Variants in CNTN1 observed in about 807,000 individuals in gnomAD.
CNTN1 encodes the protein contactin-1.
In CNTN1, 38 loss-of-function variants were observed where a neutral mutation model predicts 126.4. That is an observed-to-expected ratio of 0.30 (90% CI 0.23 to 0.39). CNTN1 has a LOEUF of 0.39. CNTN1 is among the 10% of genes least tolerant of loss of function. The pLI is 1.00. For synonymous variants in CNTN1, 413 were observed against 422.6 expected, an observed-to-expected ratio of 0.98 and a Z score of 0.28; for missense variants, 1,009 against 1,248.4, an observed-to-expected ratio of 0.81 and a Z score of 2.89.
At chr12:41,045,277 A>G (rs1013241383) in intron 23 of CNTN1, among the ~76,000 whole-genome samples, 12 of 152,112 alleles carry the variant, frequency 7.9e-5, no homozygotes, top group African/African-American at 2.7e-4. Flanking sequence ...TGCATCAACC[A>G]TCAGAACAAG....
intron 2 of CNTN1, among the ~76,000 whole-genome samples, chr12:40,908,912 T>C (rs1423242444): frequency 6.6e-6 from 1 of 152,172 alleles, no homozygotes; most frequent in Non-Finnish European, 1.5e-5. Context: ...TAAAATATAG[T>C]AAATAAAAGA....
intron 3 of CNTN1, among the ~76,000 whole-genome samples, chr12:40,917,307 T>A (rs1945281487): frequency 6.6e-6 from 1 of 152,118 alleles, no homozygotes; most frequent in African/African-American, 2.4e-5. Flanking sequence ...TATTCATTGC[T>A]GATTATAAGC....
chr12:41,070,260 T>C lies in CNTN1; in HGVS notation c.*225T>C. 1 of 574,026 alleles carries C rather than the reference T, an allele frequency of 1.7e-6. No homozygotes were observed. Among genetic ancestry groups the C allele is most frequent in the Non-Finnish European group, 3.1e-6 (1 of 320,694 alleles). 35.6% of individuals were successfully genotyped at this position (574,026 alleles called of 1,614,324 possible). On this transcript the variant is annotated 3_prime_UTR_variant, in exon 24 of 24. Coordinates refer to ENST00000551295, the MANE Select transcript of CNTN1 (RefSeq NM_001843.4). ...ATGGATATAAATGATTTTTAACTCG[T>C]TCCAATATGCCTTATAAACCACTTA...
intron 23 of CNTN1, among the ~76,000 whole-genome samples, chr12:41,034,975 A>T (rs1949224494): frequency 6.6e-6 from 1 of 152,196 alleles, no homozygotes. Flanking sequence ...CAGCACAGGG[A>T]GTTTCCAGAG....
rs186304449 is a variant in CNTN1 at position 40,945,643 on chromosome 12, C to T, written c.1683+1473C>T. ...AAATACTAATTACATTGTGCTGGTA[C>T]ATGTAAATAATGACTGCAAAAAGAA... On this transcript the variant is annotated intron_variant, in intron 14 of 23. Coordinates refer to ENST00000551295, the MANE Select transcript of CNTN1 (RefSeq NM_001843.4). 2.1e-5 allele frequency among the ~76,000 whole-genome samples: 3 copies of T among 144,872 alleles called. No homozygotes were observed. In the Admixed American group the frequency reaches 2.1e-4, roughly 10 times the overall value.
At chr12:40,744,136 A>C (rs1194985030) in intron 1 of CNTN1, among the ~76,000 whole-genome samples, 5 of 151,998 alleles carry the variant, frequency 3.3e-5, no homozygotes, top group Admixed American at 3.3e-4. Flanking sequence ...GCCTGTCAGT[A>C]GCAGGGGTAG....
At chr12:40,900,493 C>A (rs1331281725) in intron 1 of CNTN1, among the ~76,000 whole-genome samples, 6 of 152,018 alleles carry the variant, frequency 3.9e-5, no homozygotes, top group Non-Finnish European at 5.9e-5. Flanking sequence ...GCAGAAAAGC[C>A]CTGCTGATTC....
At chr12:40,888,841 C>T (rs568677819) in intron 1 of CNTN1, among the ~76,000 whole-genome samples, 3 of 152,154 alleles carry the variant, frequency 2.0e-5, no homozygotes, top group Non-Finnish European at 4.4e-5. Context: ...TTGAGAGTTG[C>T]AGCAAAAGGA....
In CNTN1 at chr12:40,929,856, G is replaced by T; in HGVS notation, c.557G>T (p.Arg186Leu). The T allele has an allele frequency of 6.2e-7, 1 of 1,612,560 alleles. No homozygotes were observed. The highest frequency in any genetic ancestry group is 8.5e-7 in the Non-Finnish European group (1 of 1,178,998). ...EFPVFITMDK[R>L]RFVSQTNGNL... ...CCTGTATTTATCACAATGGATAAAC[G>T]GCGATTTGTGTCTCAGACAAATGGC... Residue 186 changes from arginine to leucine, a missense_variant, in exon 7 of 24, where the codon CGG becomes CTG. Coordinates refer to ENST00000551295, the MANE Select transcript of CNTN1 (RefSeq NM_001843.4).
At chr12:40,912,060 AT>A (rs1310664949) in intron 3 of CNTN1, among the ~76,000 whole-genome samples, 4 of 152,232 alleles carry the variant, frequency 2.6e-5, no homozygotes, top group African/African-American at 9.6e-5. Flanking sequence ...AGCATATATA[AT>A]AGTTTTTAAT....
chr12:40,822,128 A>T (rs11178570), intron 1 of CNTN1, among the ~76,000 whole-genome samples: 23 of 134,122 alleles, frequency 1.7e-4, no homozygotes, highest in African/African-American at 6.3e-4. Context: ...TATAATTTCC[A>T]GTCTAGACAA....
chr12:40,892,227 G>A (rs1205125671), intron 1 of CNTN1, among the ~76,000 whole-genome samples: 3 of 152,016 alleles, frequency 2.0e-5, no homozygotes, highest in Admixed American at 1.3e-4. Flanking sequence ...GACTGGATGC[G>A]AATAGCAAAA....
intron 16 of CNTN1, among the ~76,000 whole-genome samples, chr12:40,988,997 C>G (rs1453782826): frequency 6.6e-6 from 1 of 152,150 alleles, no homozygotes; most frequent in Non-Finnish European, 1.5e-5. Flanking sequence ...ATGCAAAGTA[C>G]TTTACTCTCT....
chr12:40,825,422 C>A (rs7970381), intron 1 of CNTN1, among the ~76,000 whole-genome samples: 43,763 of 151,882 alleles, frequency 0.29, 7,092 homozygotes, highest in East Asian at 0.53. Context: ...GATTTATACC[C>A]AAATTTTGAT....
chr12:41,028,075 A>C (rs1838976956), intron 22 of CNTN1, 106 bp downstream of exon 22: 2 of 772,862 alleles, frequency 2.6e-6, no homozygotes, highest in Non-Finnish European at 4.5e-6. Flanking sequence ...TCTGTCACCC[A>C]GACCGGAGTG....
At chr12:40,772,354 A>G (rs903835710) in intron 1 of CNTN1, among the ~76,000 whole-genome samples, 7 of 152,134 alleles carry the variant, frequency 4.6e-5, no homozygotes, top group South Asian at 4.1e-4. Flanking sequence ...TCTTATCACA[A>G]TGTAATAGAT....
At chr12:41,030,715 T>G (rs1320681262) in intron 23 of CNTN1, among the ~76,000 whole-genome samples, 1 of 152,154 alleles carries the variant, frequency 6.6e-6, no homozygotes, top group Non-Finnish European at 1.5e-5. Flanking sequence ...TAAGACAAAG[T>G]GTTTTAGGTT....
chr12:40,695,972 G>C (rs1206182305), intron 1 of CNTN1, among the ~76,000 whole-genome samples: 1 of 152,176 alleles, frequency 6.6e-6, no homozygotes, highest in Non-Finnish European at 1.5e-5. Flanking sequence ...GAAGCCTGCA[G>C]GTGTTAATAT....
intron 23 of CNTN1, among the ~76,000 whole-genome samples, chr12:41,049,954 G>C (rs565535832): frequency 1.3e-5 from 2 of 152,296 alleles, no homozygotes; most frequent in South Asian, 4.1e-4. Context: ...CTGGAGTGCA[G>C]AGTAGCACAA....
Sources: allele counts gnomAD v4.1 joint callset (sites outside exome capture counted in the v4.1 genomes callset), GRCh38; gene constraint gnomAD v4.1.1; transcripts MANE v1.5; gene names NCBI Gene and HGNC (gene_info 2026-07-23, HGNC 2026-07-21).